SNX24: variants seen among roughly 807,000 people sequenced by gnomAD.
The protein encoded by SNX24 is sorting nexin 24.
In SNX24, 22 loss-of-function variants were observed where a neutral mutation model predicts 28.7. That is an observed-to-expected ratio of 0.77 (90% CI 0.55 to 1.10). The LOEUF (loss-of-function observed/expected upper bound fraction) is 1.10, where lower values mean the gene tolerates loss of function less well. Among genes scored for constraint, SNX24 ranks in the 50% least tolerant of loss-of-function variants. The probability of loss-of-function intolerance (pLI) is 0.00; values close to 1 mark genes in which losing one functional copy is unlikely to be tolerated. For synonymous variants in SNX24, 69 were observed against 71.5 expected (o/e 0.96, Z 0.18); for missense variants, 221 against 201.1 (o/e 1.10, Z -0.60).
At position 122,971,914 on chromosome 5, in the gene SNX24, C is replaced by A. The variant is rs367686574; in HGVS notation, c.249+25755C>A. Among the ~76,000 whole-genome samples the A allele has an allele frequency of 3.3e-3, 505 of 152,246 alleles. 4 individuals carry two copies. The highest frequency in any genetic ancestry group is 0.012 in the African/African-American group (481 of 41,542). On this transcript the variant is annotated intron_variant, in intron 3 of 6. Coordinates refer to ENST00000261369, the MANE Select transcript of SNX24 (RefSeq NM_014035.4). ...TGGTGGAGTGATCCAAACCTTCATTCCTGAAGGGTCTGGGCCATTTGTAGT... is the reference window on the plus strand; with the variant it reads ...TGGTGGAGTGATCCAAACCTTCATTACTGAAGGGTCTGGGCCATTTGTAGT...
chr5:123,023,941 G>A, intron 5 of SNX24: 1 of 1,614,098 alleles, frequency 6.2e-7, no homozygotes, highest in Non-Finnish European at 8.5e-7. Flanking sequence ...TGATGATCGA[G>A]CAGTTGGTGA....
chr5:122,961,430 A>G (rs1370533284), intron 3 of SNX24, among the ~76,000 whole-genome samples: 1 of 152,244 alleles, frequency 6.6e-6, no homozygotes, highest in African/African-American at 2.4e-5. Context: ...CCTGTAGAAT[A>G]CAGTTTCTAT....
In SNX24 at chr5:122,907,245, G is replaced by A. The variant is rs538843805; in HGVS notation, c.61-29489G>A. Among the ~76,000 whole-genome samples, 150 of 152,100 alleles carry A rather than the reference G, an allele frequency of 9.9e-4. 2 individuals are homozygous for A. Among genetic ancestry groups the A allele is most frequent in the African/African-American group, 3.6e-3 (148 of 41,486 alleles). ...TCACCTATTTATAGCAAGTGATACT[G>A]GCTTCTCATATCTATTTGTGACGTA... On this transcript the variant is annotated intron_variant, in intron 1 of 6. Coordinates refer to ENST00000261369, the MANE Select transcript of SNX24 (RefSeq NM_014035.4).
chr5:122,895,353 C>T (rs1757154328), intron 1 of SNX24, among the ~76,000 whole-genome samples: 2 of 152,164 alleles, frequency 1.3e-5, no homozygotes, highest in Non-Finnish European at 2.9e-5. Flanking sequence ...GATGTCATCT[C>T]TAATGGAATA....
intron 2 of SNX24, among the ~76,000 whole-genome samples, chr5:122,937,968 A>G (rs1759248221): frequency 6.6e-6 from 1 of 152,094 alleles, no homozygotes; most frequent in Admixed American, 6.6e-5. Flanking sequence ...ATAAGTCCCT[A>G]CTGTGGGATT....
chr5:122,942,596 T>C (rs1001977134), intron 2 of SNX24, among the ~76,000 whole-genome samples: 1 of 152,200 alleles, frequency 6.6e-6, no homozygotes. Context: ...TCTGTGTAAA[T>C]TCTTCTAGCA....
At position 123,004,033 on chromosome 5, in the gene SNX24, A is replaced by AT. The variant is rs1283665620; in HGVS notation, c.442+2034dup. Among the ~76,000 whole-genome samples the AT allele has an allele frequency of 2.6e-5, 4 of 152,146 alleles. No individual in the cohort carries two copies. In the East Asian group the frequency reaches 5.8e-4, roughly 22 times the overall value. ...TAAAGAGAAACTTTACTTGCATCAC[A>AT]TTTTTGTTATGATGCCTCTTAGCAA... On this transcript the variant is annotated intron_variant, in intron 6 of 6. Transcript: ENST00000261369.
chr5:123,025,469 ACTGAATAATATTC>A (rs1762837716), intron 5 of SNX24, among the ~76,000 whole-genome samples: 1 of 152,146 alleles, frequency 6.6e-6, no homozygotes, highest in Admixed American at 6.5e-5. Context: ...CCTTTTGGAG[ACTGAATAATATTC>A]CATTGTGTGT....
intron 2 of SNX24, among the ~76,000 whole-genome samples, chr5:122,944,427 AT>A (rs796896407): frequency 4.2e-5 from 6 of 142,006 alleles, no homozygotes; most frequent in East Asian, 4.2e-4. Context: ...AATGACATTG[AT>A]TTTTTTTTTC....
intron 1 of SNX24, among the ~76,000 whole-genome samples, chr5:122,890,414 T>A (rs1470718079): frequency 6.6e-6 from 1 of 152,100 alleles, no homozygotes; most frequent in Non-Finnish European, 1.5e-5. Context: ...GGCAAAATGA[T>A]GATTATCTAC....
At chr5:123,000,884 A>C (rs1459122078) in intron 4 of SNX24, among the ~76,000 whole-genome samples, 1 of 152,222 alleles carries the variant, frequency 6.6e-6, no homozygotes, top group African/African-American at 2.4e-5. Flanking sequence ...AAAATCAAGC[A>C]GGCCACACCC....
chr5:122,989,054 C>G (rs1238515458), intron 3 of SNX24, among the ~76,000 whole-genome samples: 1 of 151,968 alleles, frequency 6.6e-6, no homozygotes, highest in Non-Finnish European at 1.5e-5. Flanking sequence ...TTCTCTTTCT[C>G]TCTCTTTTTA....
At chr5:122,845,969 C>G (rs548801068) in intron 1 of SNX24, among the ~76,000 whole-genome samples, 5 of 152,306 alleles carry the variant, frequency 3.3e-5, no homozygotes, top group South Asian at 2.1e-4. Flanking sequence ...TAGCCATTCT[C>G]CCCGCCGCCC....
rs140252203 is a variant in SNX24 at position 122,872,491 on chromosome 5, G to A, written c.60+26798G>A. ...TAAGTACGGCCATCCCTCAGTATCC[G>A]TGGGGGATTGGTTCCAGGACTCCAC... On this transcript the variant is annotated intron_variant, in intron 1 of 6. Coordinates refer to ENST00000261369, the MANE Select transcript of SNX24 (RefSeq NM_014035.4). Among the ~76,000 whole-genome samples the A allele has an allele frequency of 3.1e-3, 478 of 151,966 alleles. 2 individuals are homozygous for A. Among genetic ancestry groups the A allele is most frequent in the African/African-American group, 0.011 (463 of 41,474 alleles).
chr5:122,964,626 T>A (rs1760639835), intron 3 of SNX24, among the ~76,000 whole-genome samples: 1 of 152,162 alleles, frequency 6.6e-6, no homozygotes, highest in African/African-American at 2.4e-5. Context: ...ATAAGGTTTT[T>A]AAATACTAAC....
chr5:122,889,451 G>A (rs1002957930), intron 1 of SNX24, among the ~76,000 whole-genome samples: 3 of 151,652 alleles, frequency 2.0e-5, no homozygotes, highest in Non-Finnish European at 4.4e-5. Flanking sequence ...CAAAGGAAAC[G>A]CTCATTGAAA....
chr5:122,927,075 T>A (rs1758731818), intron 1 of SNX24, among the ~76,000 whole-genome samples: 1 of 152,230 alleles, frequency 6.6e-6, no homozygotes, highest in African/African-American at 2.4e-5. Context: ...TCTTGCTAAA[T>A]GCCAGATAGT....
chr5:122,993,557 C>A (rs1418632507), intron 3 of SNX24, among the ~76,000 whole-genome samples: 2 of 152,124 alleles, frequency 1.3e-5, no homozygotes, highest in Non-Finnish European at 2.9e-5. Context: ...GCCTCAGCCT[C>A]CCAAAGTGCT....
At chr5:122,976,308 A>T (rs1391508242) in intron 3 of SNX24, among the ~76,000 whole-genome samples, 1 of 151,602 alleles carries the variant, frequency 6.6e-6, no homozygotes, top group Non-Finnish European at 1.5e-5. Flanking sequence ...AAAAAAAAAA[A>T]AACAGGCAAA....
Sources: gnomAD v4.1 joint callset for allele counts (sites outside exome capture counted in the v4.1 genomes callset) on GRCh38, gnomAD v4.1.1 for gene constraint, MANE v1.5 for transcripts, NCBI Gene and HGNC (gene_info 2026-07-23, HGNC 2026-07-21) for gene names.